EZH2: variants seen among roughly 807,000 people sequenced by gnomAD.
EZH2 encodes the protein histone-lysine N-methyltransferase EZH2.
In EZH2, 18 loss-of-function variants were observed where a neutral mutation model predicts 98.4. That is an observed-to-expected ratio of 0.18 (90% confidence interval 0.13 to 0.27). The LOEUF (loss-of-function observed/expected upper bound fraction) is 0.27. EZH2 is among the 10% of genes least tolerant of loss of function. The pLI, the probability that EZH2 is intolerant of heterozygous loss-of-function variation, is 1.00. For synonymous variants in EZH2, 338 were observed against 312.3 expected (o/e 1.08, Z -0.87); for missense variants, 470 against 935.1 (o/e 0.50, Z 6.49).
intron 1 of EZH2, among the ~76,000 whole-genome samples, chr7:148,861,679 TAGTG>T (rs1817685529): frequency 6.6e-6 from 1 of 151,992 alleles, no homozygotes; most frequent in Non-Finnish European, 1.5e-5. Flanking sequence ...TAAAAAAAAT[TAGTG>T]AGTGAGGGCA....
intron 1 of EZH2, among the ~76,000 whole-genome samples, chr7:148,849,881 C>A (rs1368304437): frequency 2.0e-5 from 3 of 152,164 alleles, no homozygotes; most frequent in Admixed American, 6.5e-5. Flanking sequence ...TGATCTGTAG[C>A]CTCATTCGCT....
intron 3 of EZH2, among the ~76,000 whole-genome samples, chr7:148,838,811 G>A (rs1177753259): frequency 3.9e-5 from 6 of 152,158 alleles, no homozygotes; most frequent in Admixed American, 3.9e-4. Context: ...CCAGCACTTT[G>A]GGAGGCCAAG....
chr7:148,808,528 C>G (rs1442540830), intron 19 of EZH2, among the ~76,000 whole-genome samples: 1 of 152,230 alleles, frequency 6.6e-6, no homozygotes, highest in African/African-American at 2.4e-5. Context: ...AGCCTAATGC[C>G]TAACCACACA....
Position 148,826,600 on chromosome 7 carries a change from C to T in EZH2, c.761G>A (p.Gly254Asp), listed in dbSNP as rs2129475542. Residue 254 changes from glycine (G) to aspartate (D), a missense_variant, in exon 8 of 20, where the codon GGC (glycine) becomes GAC (aspartate). This residue lies in a region of EZH2 where 192 missense variants were observed against 306.8 expected (regional missense o/e 0.63). Transcript: ENST00000320356. The stretch of plus-strand genomic sequence containing the variant: ...GGGGGTACATTCAGGAGGAAGTGCG[C>T]CTGGGAGCTGCTGTTCGGTGAGTTC... Reference protein sequence around the residue: ...YKELTEQQLPGALPPECTPNI... With the variant: ...YKELTEQQLPDALPPECTPNI... 6.4e-7 allele frequency: 1 copy of T among 1,555,608 alleles called. No homozygotes were observed. Among genetic ancestry groups the T allele is most frequent in the Non-Finnish European group, 8.7e-7 (1 of 1,147,772 alleles).
At chr7:148,847,660 C>A (rs1814512321) in intron 1 of EZH2, among the ~76,000 whole-genome samples, 1 of 150,760 alleles carries the variant, frequency 6.6e-6, no homozygotes, top group Non-Finnish European at 1.5e-5. Flanking sequence ...AAAGACAGAT[C>A]CTGTTTTTCA....
intron 1 of EZH2, among the ~76,000 whole-genome samples, chr7:148,858,685 C>T (rs1817217717): frequency 6.6e-6 from 1 of 152,028 alleles, no homozygotes; most frequent in Non-Finnish European, 1.5e-5. Context: ...TCCACCACAC[C>T]CAGCTAATTT....
At chr7:148,881,941 A>C (rs941644422) in intron 1 of EZH2, among the ~76,000 whole-genome samples, 2 of 138,786 alleles carry the variant, frequency 1.4e-5, no homozygotes, top group Non-Finnish European at 3.1e-5. Context: ...CTCAAAAAAA[A>C]AAAAACATAT....
chr7:148,861,637 AAC>A (rs1175020477), intron 1 of EZH2, among the ~76,000 whole-genome samples: 1 of 152,142 alleles, frequency 6.6e-6, no homozygotes, highest in Non-Finnish European at 1.5e-5. Flanking sequence ...TAATATAAAT[AAC>A]ACATTTTTAA....
chr7:148,832,455 A>T (rs1388553396), intron 4 of EZH2, among the ~76,000 whole-genome samples, 179 bp downstream of exon 4: 2 of 152,216 alleles, frequency 1.3e-5, no homozygotes, highest in Non-Finnish European at 2.9e-5. Context: ...GAAAAGAGTA[A>T]TACTGCACAG....
intron 1 of EZH2, among the ~76,000 whole-genome samples, chr7:148,870,717 A>C (rs1819239096): frequency 6.6e-6 from 1 of 151,436 alleles, no homozygotes; most frequent in Admixed American, 6.6e-5. Context: ...AAAAAGTATA[A>C]AGTTCATCTT....
intron 1 of EZH2, among the ~76,000 whole-genome samples, chr7:148,849,358 CA>C (rs904427054): frequency 1.3e-5 from 2 of 152,056 alleles, no homozygotes; most frequent in African/African-American, 4.8e-5. Flanking sequence ...GAAAGCTGGA[CA>C]GGGGGCAACT....
chr7:148,839,069 G>A (rs1274391754), intron 3 of EZH2, among the ~76,000 whole-genome samples: 2 of 131,108 alleles, frequency 1.5e-5, no homozygotes, highest in African/African-American at 6.6e-5. Context: ...AGGAAGGAAG[G>A]AAGGAAGGAA....
intron 1 of EZH2, among the ~76,000 whole-genome samples, chr7:148,854,174 G>A (rs778032005): frequency 1.2e-4 from 19 of 152,146 alleles, no homozygotes; most frequent in Admixed American, 3.3e-4. Flanking sequence ...CGGGAGGCGC[G>A]GTGGCTCACG....
chr7:148,827,271 A>C lies in EZH2; in HGVS notation c.626-5T>G, dbSNP rs918417214. The C allele has an allele frequency of 2.5e-6, 4 of 1,603,152 alleles. No homozygotes were observed. In the Admixed American group the frequency reaches 5.1e-5, roughly 21 times the overall value. ...GAGGTGGGCGGCTTTCTTTATCTAA[A>C]CAGGAGAATATGAAAGGAAAAAAAG... On this transcript the variant is annotated splice_region_variant and splice_polypyrimidine_tract_variant and intron_variant, in intron 6 of 19. Transcript: ENST00000320356.
intron 8 of EZH2, among the ~76,000 whole-genome samples, chr7:148,820,833 T>C (rs1805854172): frequency 6.6e-6 from 1 of 152,030 alleles, no homozygotes; most frequent in South Asian, 2.1e-4. Flanking sequence ...ACAAGAATAT[T>C]AACAAAAATA....
chr7:148,846,873 TGTGTGTGTGTA>T (rs1477815177), intron 2 of EZH2, among the ~76,000 whole-genome samples: 10 of 146,874 alleles, frequency 6.8e-5, no homozygotes, highest in African/African-American at 1.9e-4. Flanking sequence ...TGTGTGTGTG[TGTGTGTGTGTA>T]TTTTTTTTTT....
At position 148,845,876 on chromosome 7, in the gene EZH2, C is replaced by T. The variant is rs569490547; in HGVS notation, c.246+594G>A. On this transcript the variant is annotated intron_variant, in intron 3 of 19. Coordinates refer to ENST00000320356, the MANE Select transcript of EZH2 (RefSeq NM_004456.5). ...TTGCCATTTTCTTCTCATCTTGCTGCAATCATGTTTTAACGGGATATTTAA... is the reference window on the plus strand; with the variant it reads ...TTGCCATTTTCTTCTCATCTTGCTGTAATCATGTTTTAACGGGATATTTAA... 3.3e-5 allele frequency among the ~76,000 whole-genome samples: 5 copies of T among 152,274 alleles called. No individual in the cohort carries two copies. The East Asian group carries it at 9.6e-4, about 29-fold the overall frequency.
chr7:148,815,412 T>C (rs1355877389), intron 13 of EZH2, 94 bp downstream of exon 13: 1 of 1,316,558 alleles, frequency 7.6e-7, no homozygotes, highest in African/African-American at 1.5e-5. Context: ...TATATTAGAA[T>C]AACCCAAGCT....
chr7:148,852,586 A>G (rs1816030065), intron 1 of EZH2, among the ~76,000 whole-genome samples: 1 of 151,966 alleles, frequency 6.6e-6, no homozygotes, highest in Non-Finnish European at 1.5e-5. Flanking sequence ...AAGAATGCTC[A>G]CTCTTCTCCC....
Sources: gnomAD v4.1 joint callset for allele counts (sites outside exome capture counted in the v4.1 genomes callset) on GRCh38, gnomAD v4.1.1 for gene constraint, gnomAD v4.1.1 regional missense constraint, MANE v1.5 for transcripts, NCBI Gene and HGNC (gene_info 2026-07-23, HGNC 2026-07-21) for gene names.